Variants in ACSL3 observed in about 807,000 individuals in gnomAD.
The protein encoded by ACSL3 is acyl-CoA synthetase long chain family member 3, also known as fatty acid CoA ligase Acsl3.
In ACSL3, 34 loss-of-function variants were observed where a neutral mutation model predicts 84.7. The observed-to-expected ratio is 0.40, with a 90% CI of 0.31 to 0.53. The LOEUF (loss-of-function observed/expected upper bound fraction) is 0.53, where lower values mean the gene tolerates loss of function less well. Among genes scored for constraint, ACSL3 ranks in the 20% least tolerant of loss-of-function variants. The pLI is 0.48. For synonymous variants in ACSL3, 315 were observed against 299.4 expected, an observed-to-expected ratio of 1.05 and a Z score of -0.54; for missense variants, 680 against 873.1, an observed-to-expected ratio of 0.78 and a Z score of 2.79.
chr2:222,878,278 C>T (rs1396177116), intron 1 of ACSL3, among the ~76,000 whole-genome samples: 2 of 152,170 alleles, frequency 1.3e-5, no homozygotes, highest in East Asian at 3.8e-4. Context: ...CTCAGGAATT[C>T]CTGAAGAATA....
At chr2:222,919,338 T>C in intron 7 of ACSL3, 136 bp downstream of exon 7, 1 of 935,484 alleles carries the variant, frequency 1.1e-6, no homozygotes, top group Non-Finnish European at 1.5e-6. Flanking sequence ...AACAGGTCCC[T>C]CTAGGTATAC....
chr2:222,940,234 G>C (rs1431749541), intron 16 of ACSL3, among the ~76,000 whole-genome samples: 3 of 152,100 alleles, frequency 2.0e-5, no homozygotes, highest in Non-Finnish European at 4.4e-5. Context: ...TAGCTTGTAG[G>C]GAATATCCTG....
chr2:222,934,833 T>G, intron 16 of ACSL3, 146 bp downstream of exon 16: 1 of 783,246 alleles, frequency 1.3e-6, no homozygotes. Context: ...AACTTATCAG[T>G]CCCCCATTCA....
intron 2 of ACSL3, among the ~76,000 whole-genome samples, chr2:222,889,029 C>T (rs1695785185): frequency 6.6e-6 from 1 of 152,176 alleles, no homozygotes; most frequent in Non-Finnish European, 1.5e-5. Flanking sequence ...GAACTCCAAA[C>T]TTTGAATTCT....
At chr2:222,903,331 A>G (rs767776020) in intron 3 of ACSL3, among the ~76,000 whole-genome samples, 7 of 152,296 alleles carry the variant, frequency 4.6e-5, no homozygotes, top group Admixed American at 6.5e-5. Flanking sequence ...TTGTAGAGAC[A>G]GGGCTTCGTC....
In ACSL3 at chr2:222,916,284, G is replaced by T; in HGVS notation, c.379-35G>T. On this transcript the variant is annotated intron_variant, in intron 4 of 16. Coordinates refer to ENST00000357430, the MANE Select transcript of ACSL3 (RefSeq NM_004457.5). ...GGTTTCTTCTGTAAATTATTATTTT[G>T]ATTACATTAAAAAAATTTTTTTTTG... 4 of 1,346,620 alleles carry T rather than the reference G, an allele frequency of 3.0e-6. No individual in the cohort carries two copies. The South Asian group carries it at 5.7e-5, about 19-fold the overall frequency. 83.4% of individuals were successfully genotyped at this position (1,346,620 alleles called of 1,614,324 possible).
intron 1 of ACSL3, among the ~76,000 whole-genome samples, chr2:222,878,194 A>G (rs1476213700): frequency 2.0e-5 from 3 of 152,210 alleles, no homozygotes; most frequent in Non-Finnish European, 4.4e-5. Context: ...AAAGATTTGA[A>G]TATATTACCA....
intron 3 of ACSL3, among the ~76,000 whole-genome samples, chr2:222,903,798 C>CT (rs1230629898): frequency 1.3e-5 from 2 of 152,178 alleles, no homozygotes; most frequent in East Asian, 3.9e-4. Context: ...ATGTAAAACC[C>CT]TTTTTGCCAG....
At chr2:222,870,864 C>T (rs1283046003) in intron 1 of ACSL3, among the ~76,000 whole-genome samples, 1 of 151,726 alleles carries the variant, frequency 6.6e-6, no homozygotes, top group East Asian at 1.9e-4. Flanking sequence ...CTTTTTTTTC[C>T]CCTTTTGGAC....
chr2:222,900,369 C>A (rs955484042), intron 2 of ACSL3, among the ~76,000 whole-genome samples: 1 of 152,166 alleles, frequency 6.6e-6, no homozygotes, highest in Non-Finnish European at 1.5e-5. Context: ...TGTCCTTGAG[C>A]TTGATCTTGT....
At chr2:222,936,990 C>T (rs192472654) in intron 16 of ACSL3, among the ~76,000 whole-genome samples, 2 of 152,130 alleles carry the variant, frequency 1.3e-5, no homozygotes, top group Non-Finnish European at 2.9e-5. Flanking sequence ...CCAGGTTCCC[C>T]CCTTGACATG....
intron 14 of ACSL3, among the ~76,000 whole-genome samples, chr2:222,931,798 T>A (rs1697037739): frequency 6.6e-6 from 1 of 152,186 alleles, no homozygotes; most frequent in Non-Finnish European, 1.5e-5. Flanking sequence ...TCAGTTGTTT[T>A]CCTCCTCCTC....
chr2:222,899,159 A>C (rs1453897676), intron 2 of ACSL3, among the ~76,000 whole-genome samples: 1 of 152,202 alleles, frequency 6.6e-6, no homozygotes, highest in African/African-American at 2.4e-5. Context: ...AAAATACAGG[A>C]GACTGATAGT....
At chr2:222,868,780 T>C (rs1695218200) in intron 1 of ACSL3, among the ~76,000 whole-genome samples, 1 of 152,210 alleles carries the variant, frequency 6.6e-6, no homozygotes, top group East Asian at 1.9e-4. Flanking sequence ...GAGTCCAGCC[T>C]GGCCAATGTG....
chr2:222,917,671 T>C (rs6727725), intron 5 of ACSL3: 13,007 of 156,180 alleles, frequency 0.083, 883 homozygotes, highest in African/African-American at 0.18. Flanking sequence ...ATTCAGTGTG[T>C]CATCCTATTT....
intron 14 of ACSL3, among the ~76,000 whole-genome samples, chr2:222,931,668 C>T (rs1697034158): frequency 6.6e-6 from 1 of 152,158 alleles, no homozygotes; most frequent in Non-Finnish European, 1.5e-5. Context: ...TAAACACACC[C>T]TCTCACTGCC....
At position 222,944,143 on chromosome 2, in the gene ACSL3, A is replaced by G. The variant is rs1697398507; in HGVS notation, c.*2489A>G. 6.6e-6 allele frequency: 1 copy of G among 152,136 alleles called. No homozygotes were observed. The highest frequency in any genetic ancestry group is 6.5e-5 in the Admixed American group (1 of 15,270). 9.4% of individuals were successfully genotyped at this position (152,136 alleles called of 1,614,324 possible). A position where few individuals can be genotyped will look rare whatever the true frequency, so the allele number is the denominator to read the frequency against. On this transcript the variant is annotated 3_prime_UTR_variant, in exon 17 of 17. Coordinates refer to ENST00000357430, the MANE Select transcript of ACSL3 (RefSeq NM_004457.5). ...GACACAGAACAAACCTGAAAGTAGT[A>G]TCTACTTTCTAAATACTACTTTGCT...
intron 7 of ACSL3, among the ~76,000 whole-genome samples, chr2:222,920,657 G>A (rs1174550255): frequency 6.6e-6 from 1 of 151,042 alleles, no homozygotes; most frequent in Admixed American, 6.6e-5. Context: ...AGCAGCCAAA[G>A]TGATCTTTTT....
chr2:222,885,130 T>C (rs1695689045), intron 1 of ACSL3, among the ~76,000 whole-genome samples: 2 of 152,206 alleles, frequency 1.3e-5, no homozygotes, highest in South Asian at 4.1e-4. Context: ...TGAAGAGATT[T>C]TTAACATTTA....
Sources: allele counts gnomAD v4.1 joint callset (sites outside exome capture counted in the v4.1 genomes callset), GRCh38; gene constraint gnomAD v4.1.1; transcripts MANE v1.5; gene names NCBI Gene and HGNC (gene_info 2026-07-23, HGNC 2026-07-21).